Variants in LARP1 observed in about 807,000 individuals in gnomAD.
LARP1 encodes La ribonucleoprotein 1, translational regulator, also known as la-related protein 1.
A neutral mutation model predicts 122.7 loss-of-function variants in LARP1; 36 were observed. The ratio of observed to expected loss-of-function variants is 0.29; its 90% CI spans 0.22 to 0.39. The LOEUF (loss-of-function observed/expected upper bound fraction) is 0.39, where lower values mean the gene tolerates loss of function less well. Among genes scored for constraint, LARP1 ranks in the 10% least tolerant of loss-of-function variants. LARP1 has a pLI of 1.00. For missense variants in LARP1, 1,040 were observed against 1,403.6 expected (o/e 0.74, Z 4.14); for synonymous variants, 539 against 528.7 (o/e 1.02, Z -0.27).
chr5:154,776,129 G>A (rs1755862122), intron 1 of LARP1, among the ~76,000 whole-genome samples: 1 of 152,182 alleles, frequency 6.6e-6, no homozygotes, highest in African/African-American at 2.4e-5. Context: ...AGGCGGCATA[G>A]CAAGACCCAG....
Position 154,814,962 on chromosome 5 carries a change from C to T in LARP1, c.*866C>T, listed in dbSNP as rs1244073764. On this transcript the variant is annotated 3_prime_UTR_variant, in exon 19 of 19. Coordinates refer to ENST00000518297, the MANE Select transcript of LARP1 (RefSeq NM_033551.3). ...CACAGAAAGTAATGTCTTTCCCCTC[C>T]CCTTGGAATTTTTGTTTTGTTTTTG... The T allele has an allele frequency of 6.6e-6, 1 of 151,876 alleles. No individual in the cohort carries two copies. Among genetic ancestry groups the T allele is most frequent in the African/African-American group, 2.4e-5 (1 of 41,266 alleles). 9.4% of individuals were successfully genotyped at this position (151,876 alleles called of 1,614,324 possible).
rs2113028345 is a variant in LARP1 at position 154,811,274 on chromosome 5, C to T, written c.2871C>T (p.Tyr957=). Residue 957 remains tyrosine (Y), a synonymous_variant, in exon 17 of 19, where the codon TAC becomes TAT. Transcript: ENST00000518297. ...ATGGTTTGGAGTGCCTTTTTCGATA[C>T]TACAGTTATGGCCTGGAAAAGAAGT... is the stretch of plus-strand genomic sequence containing the variant. ...YRYGLECLFR[Y]YSYGLEKKFR... 1 of 1,614,110 alleles carries T rather than the reference C, an allele frequency of 6.2e-7. No individual in the cohort carries two copies. Among genetic ancestry groups the T allele is most frequent in the Non-Finnish European group, 8.5e-7 (1 of 1,180,008 alleles).
chr5:154,712,778 T>C (rs1755280387), upstream of LARP1: 1 of 662,016 alleles, frequency 1.5e-6, no homozygotes. Context: ...TGAGCTGCCG[T>C]CGCTCTCTTA....
At chr5:154,790,934 C>A (rs1757290200) in intron 3 of LARP1, among the ~76,000 whole-genome samples, 1 of 151,788 alleles carries the variant, frequency 6.6e-6, no homozygotes, top group Non-Finnish European at 1.5e-5. Context: ...TCTCCTCCCC[C>A]AGCCTCCCGA....
chr5:154,786,033 A>G (rs1209658687), intron 1 of LARP1, among the ~76,000 whole-genome samples: 4 of 152,094 alleles, frequency 2.6e-5, no homozygotes, highest in Non-Finnish European at 5.9e-5. Context: ...GCACATAGCA[A>G]TTTTGGTATG....
At chr5:154,703,607 T>G (rs879916655) in intron 1 of LARP1, among the ~76,000 whole-genome samples, 3 of 152,144 alleles carry the variant, frequency 2.0e-5, no homozygotes, top group Non-Finnish European at 2.9e-5. Flanking sequence ...AAGTGAGACC[T>G]TGTCTCTAAA....
chr5:154,775,859 C>T (rs1169401779), intron 1 of LARP1, among the ~76,000 whole-genome samples: 1 of 152,212 alleles, frequency 6.6e-6, no homozygotes, highest in Non-Finnish European at 1.5e-5. Context: ...CTTCGGCTAA[C>T]CACTTAGCTG....
intron 18 of LARP1, among the ~76,000 whole-genome samples, chr5:154,812,994 T>C (rs1759411783): frequency 6.6e-6 from 1 of 152,142 alleles, no homozygotes; most frequent in Non-Finnish European, 1.5e-5. Flanking sequence ...AGCCAAATCA[T>C]CACATTTATT....
intron 1 of LARP1, among the ~76,000 whole-genome samples, chr5:154,787,455 G>A (rs1340087879): frequency 6.6e-6 from 1 of 152,212 alleles, no homozygotes; most frequent in African/African-American, 2.4e-5. Flanking sequence ...GTTACCTGGT[G>A]AGGGTTGGTG....
intron 1 of LARP1, among the ~76,000 whole-genome samples, chr5:154,690,366 C>T (rs1170795163): frequency 2.0e-5 from 3 of 152,216 alleles, no homozygotes; most frequent in East Asian, 3.9e-4. Flanking sequence ...CCTACTGACT[C>T]CCGGGCTAAT....
intron 1 of LARP1, among the ~76,000 whole-genome samples, chr5:154,750,180 GTTTTT>G (rs1333349156): frequency 6.6e-6 from 1 of 152,208 alleles, no homozygotes; most frequent in African/African-American, 2.4e-5. Flanking sequence ...TTACAAATAG[GTTTTT>G]GTTTTGTTTT....
intron 1 of LARP1, among the ~76,000 whole-genome samples, chr5:154,771,027 G>A (rs1755374442): frequency 6.6e-6 from 1 of 151,564 alleles, no homozygotes; most frequent in Non-Finnish European, 1.5e-5. Flanking sequence ...TGAGAGAGTC[G>A]CTTGAACGCA....
chr5:154,804,478 G>A (rs1356278373), intron 14 of LARP1, among the ~76,000 whole-genome samples, 171 bp downstream of exon 14: 1 of 152,154 alleles, frequency 6.6e-6, no homozygotes, highest in African/African-American at 2.4e-5. Context: ...GGGAATGACG[G>A]GTAGGCTTTT....
chr5:154,695,145 C>T (rs930882687), intron 1 of LARP1, among the ~76,000 whole-genome samples: 1 of 152,042 alleles, frequency 6.6e-6, no homozygotes, highest in African/African-American at 2.4e-5. Context: ...GAAACCCCGT[C>T]TCTACTAAAA....
chr5:154,756,295 A>T, intron 1 of LARP1, 102 bp downstream of exon 1: 1 of 966,624 alleles, frequency 1.0e-6, no homozygotes, highest in Non-Finnish European at 1.3e-6. Context: ...GCTACCGGTC[A>T]TGGTGACTCG....
At chr5:154,701,172 T>C (rs1475820460) in intron 1 of LARP1, among the ~76,000 whole-genome samples, 1 of 152,108 alleles carries the variant, frequency 6.6e-6, no homozygotes, top group Non-Finnish European at 1.5e-5. Context: ...TTAGTGCCAA[T>C]GGCAAGTGCC....
intron 18 of LARP1, among the ~76,000 whole-genome samples, chr5:154,813,468 T>C (rs923296577): frequency 3.3e-5 from 5 of 152,204 alleles, no homozygotes; most frequent in African/African-American, 1.2e-4. Flanking sequence ...CGTCGCAGCA[T>C]ACTGCATGCC....
chr5:154,788,973 A>T (rs1228984708), intron 1 of LARP1, among the ~76,000 whole-genome samples: 1 of 152,050 alleles, frequency 6.6e-6, no homozygotes, highest in African/African-American at 2.4e-5. Flanking sequence ...GCACTTTGGG[A>T]GGCTGAGGCA....
At chr5:154,790,769 T>G (rs1391137474) in intron 3 of LARP1, 59 bp downstream of exon 3, 2 of 1,398,346 alleles carry the variant, frequency 1.4e-6, no homozygotes, top group Admixed American at 3.4e-5. Flanking sequence ...CACATTTAGC[T>G]CCTCAAGCTT....
Sources: allele counts gnomAD v4.1 joint callset (sites outside exome capture counted in the v4.1 genomes callset), GRCh38; gene constraint gnomAD v4.1.1; transcripts MANE v1.5; gene names NCBI Gene and HGNC (gene_info 2026-07-23, HGNC 2026-07-21).